OPCML: variants seen among roughly 807,000 people sequenced by gnomAD.
OPCML encodes opioid binding protein/cell adhesion molecule like.
Under a neutral mutation model 37.8 loss-of-function variants are expected in OPCML, and 13 were observed. The ratio of observed to expected loss-of-function variants is 0.34; its 90% confidence interval spans 0.22 to 0.55. The LOEUF (loss-of-function observed/expected upper bound fraction) is 0.55. OPCML is among the 20% of genes least tolerant of loss of function. The pLI is 0.91. For synonymous variants in OPCML, 176 were observed against 168.8 expected (o/e 1.04, Z -0.33); for missense variants, 341 against 435.6 (o/e 0.78, Z 1.93).
chr11:133,486,856 C>CTT (rs1565661581), intron 1 of OPCML, among the ~76,000 whole-genome samples: 1 of 144,640 alleles, frequency 6.9e-6, no homozygotes, highest in East Asian at 2.2e-4. Flanking sequence ...TCTCTCTTCT[C>CTT]TCTCTCTCTT....
At chr11:133,354,304 ACGTGTTGGTAGTGG>A (rs1944227351) in intron 1 of OPCML, among the ~76,000 whole-genome samples, 1 of 9,888 alleles carries the variant, frequency 1.0e-4, no homozygotes, top group Non-Finnish European at 2.4e-4. Context: ...GGTGGTGGTG[ACGTGTTGGTAGTGG>A]TGGTGGTGGT....
intron 4 of OPCML, among the ~76,000 whole-genome samples, chr11:132,523,006 G>A (rs1329565158): frequency 6.6e-6 from 1 of 152,070 alleles, no homozygotes; most frequent in Non-Finnish European, 1.5e-5. Context: ...GCCTGATCTC[G>A]GCTCACTGCA....
At chr11:132,946,915 G>A (rs1309645046) in intron 1 of OPCML, among the ~76,000 whole-genome samples, 2 of 152,174 alleles carry the variant, frequency 1.3e-5, no homozygotes, top group Non-Finnish European at 2.9e-5. Flanking sequence ...AGACGGGAAA[G>A]GCTCTTTTTC....
chr11:132,484,676 C>A (rs2096193480), intron 4 of OPCML, among the ~76,000 whole-genome samples: 1 of 152,046 alleles, frequency 6.6e-6, no homozygotes, highest in African/African-American at 2.4e-5. Flanking sequence ...GCCAAATGTC[C>A]AACAACGATA....
At chr11:133,271,791 A>G (rs894437150) in intron 1 of OPCML, among the ~76,000 whole-genome samples, 2 of 152,244 alleles carry the variant, frequency 1.3e-5, no homozygotes, top group African/African-American at 4.8e-5. Flanking sequence ...GCAGCATTGA[A>G]TCCAAAATGA....
At chr11:133,364,369 C>T (rs968302074) in intron 1 of OPCML, among the ~76,000 whole-genome samples, 1 of 152,208 alleles carries the variant, frequency 6.6e-6, no homozygotes, top group South Asian at 2.1e-4. Context: ...TACACATTAA[C>T]AGAGCAGTAG....
At chr11:132,637,849 T>C (rs1044989127) in intron 3 of OPCML, among the ~76,000 whole-genome samples, 1 of 152,034 alleles carries the variant, frequency 6.6e-6, no homozygotes, top group African/African-American at 2.4e-5. Context: ...AGCCAGGCTC[T>C]TCTGGGACCC....
intron 2 of OPCML, among the ~76,000 whole-genome samples, chr11:132,841,750 A>G (rs1381436293): frequency 2.0e-5 from 3 of 150,718 alleles, no homozygotes. Flanking sequence ...AATGCCAGCT[A>G]TTCGGGAAGC....
chr11:132,653,325 G>A (rs921182481), intron 3 of OPCML, among the ~76,000 whole-genome samples: 2 of 152,144 alleles, frequency 1.3e-5, no homozygotes, highest in Non-Finnish European at 2.9e-5. Flanking sequence ...TTTCAGGTAG[G>A]CCCACGGTCA....
chr11:133,419,588 T>C (rs757402702), intron 1 of OPCML, among the ~76,000 whole-genome samples: 1 of 152,220 alleles, frequency 6.6e-6, no homozygotes, highest in Non-Finnish European at 1.5e-5. Flanking sequence ...GTGAAAACAC[T>C]GTACAATGGT....
chr11:133,335,825 C>T lies in OPCML; in HGVS notation c.61+196439G>A, dbSNP rs941988552. ...GCTCCCAAGAATCAAACTGATAACC[C>T]GTTGAGGTCCAAGCAGGAAGCTGGT... On this transcript the variant is annotated intron_variant, in intron 1 of 7. Transcript: ENST00000524381. 5.3e-5 allele frequency among the ~76,000 whole-genome samples: 8 copies of T among 152,052 alleles called. No individual in the cohort carries two copies. In the South Asian group the frequency reaches 1.2e-3, roughly 24 times the overall value.
chr11:132,563,483 G>A (rs985388947), intron 3 of OPCML, among the ~76,000 whole-genome samples: 4 of 151,812 alleles, frequency 2.6e-5, no homozygotes, highest in African/African-American at 9.7e-5. Context: ...TCATGGGAAT[G>A]GGCTTTTGGA....
chr11:133,261,856 G>A (rs750383379), intron 1 of OPCML, among the ~76,000 whole-genome samples: 5 of 152,094 alleles, frequency 3.3e-5, no homozygotes, highest in African/African-American at 4.8e-5. Flanking sequence ...GGAATGCAGC[G>A]GGCAGGAGCA....
At chr11:132,753,843 T>A (rs1294574675) in intron 2 of OPCML, among the ~76,000 whole-genome samples, 3 of 152,206 alleles carry the variant, frequency 2.0e-5, no homozygotes. Context: ...GGGAAAATGA[T>A]CCTTTAGCTC....
chr11:132,657,702 A>G (rs907637369), intron 2 of OPCML, among the ~76,000 whole-genome samples: 3 of 152,160 alleles, frequency 2.0e-5, no homozygotes, highest in Non-Finnish European at 4.4e-5. Flanking sequence ...CAGCATTTCA[A>G]ATAGGTCACA....
At chr11:132,443,452 G>C (rs530481923) in intron 4 of OPCML, among the ~76,000 whole-genome samples, 186 of 152,310 alleles carry the variant, frequency 1.2e-3, no homozygotes, top group Non-Finnish European at 2.3e-3. Context: ...CCCAGCAAGA[G>C]AGACTATTAC....
chr11:132,685,128 C>T (rs969394647), intron 2 of OPCML, among the ~76,000 whole-genome samples: 4 of 152,134 alleles, frequency 2.6e-5, no homozygotes, highest in African/African-American at 9.7e-5. Flanking sequence ...ATTTGATTTG[C>T]TCTAAAAAGT....
intron 4 of OPCML, among the ~76,000 whole-genome samples, chr11:132,472,116 T>C (rs2096139831): frequency 6.6e-6 from 1 of 152,186 alleles, no homozygotes; most frequent in South Asian, 2.1e-4. Flanking sequence ...AAATATGTAA[T>C]AACCAACATA....
chr11:132,482,180 A>T (rs1329791256), intron 4 of OPCML, among the ~76,000 whole-genome samples: 6 of 150,896 alleles, frequency 4.0e-5, no homozygotes, highest in Non-Finnish European at 7.4e-5. Flanking sequence ...TAGCAAGACT[A>T]ATAAAGAAAA....
Sources: allele counts gnomAD v4.1 joint callset (sites outside exome capture counted in the v4.1 genomes callset), GRCh38; gene constraint gnomAD v4.1.1; transcripts MANE v1.5; gene names NCBI Gene and HGNC (gene_info 2026-07-23, HGNC 2026-07-21).